SLC39A11: variants seen among roughly 807,000 people sequenced by gnomAD.
SLC39A11 encodes the protein zinc transporter ZIP11.
In SLC39A11, 33 loss-of-function variants were observed where a neutral mutation model predicts 36.1. The ratio of observed to expected loss-of-function variants is 0.91; its 90% CI spans 0.69 to 1.22. SLC39A11 has a LOEUF of 1.22. SLC39A11 is among the 50% of genes most tolerant of loss of function. The pLI, the probability that SLC39A11 is intolerant of heterozygous loss-of-function variation, is 0.00. For missense variants in SLC39A11, 432 were observed against 430.3 expected, an observed-to-expected ratio of 1.00 and a Z score of -0.03; for synonymous variants, 166 against 170.3, an observed-to-expected ratio of 0.97 and a Z score of 0.20.
intron 5 of SLC39A11, among the ~76,000 whole-genome samples, chr17:72,864,147 G>A (rs754634724): frequency 5.3e-5 from 8 of 152,146 alleles, no homozygotes; most frequent in African/African-American, 1.4e-4. Context: ...CCACCTCACC[G>A]GGGCCACCTT....
At chr17:72,811,723 A>G (rs2077440710) in intron 6 of SLC39A11, among the ~76,000 whole-genome samples, 2 of 152,162 alleles carry the variant, frequency 1.3e-5, no homozygotes, top group Non-Finnish European at 2.9e-5. Context: ...TCCACTTGGG[A>G]AAAGTTTGTT....
intron 6 of SLC39A11, among the ~76,000 whole-genome samples, chr17:72,754,654 C>T (rs376680171): frequency 6.6e-6 from 1 of 152,040 alleles, no homozygotes; most frequent in African/African-American, 2.4e-5. Context: ...AGCAGAAACA[C>T]CAGGGGTGCC....
At chr17:72,654,384 C>A (rs181981381) in intron 7 of SLC39A11, among the ~76,000 whole-genome samples, 1 of 152,334 alleles carries the variant, frequency 6.6e-6, no homozygotes, top group East Asian at 1.9e-4. Flanking sequence ...TTCTAACCAG[C>A]CCTGGGCAGA....
At chr17:72,971,147 G>A (rs941136898) in intron 4 of SLC39A11, among the ~76,000 whole-genome samples, 7 of 152,162 alleles carry the variant, frequency 4.6e-5, no homozygotes, top group Non-Finnish European at 7.3e-5. Context: ...GAAGGAAGAC[G>A]ATAAAATGCA....
At position 72,706,443 on chromosome 17, in the gene SLC39A11, G is replaced by A. The variant is rs562696663; in HGVS notation, c.671+30207C>T. Among the ~76,000 whole-genome samples, 425 of 152,268 alleles carry A rather than the reference G, an allele frequency of 2.8e-3. 1 individual carries two copies. The highest frequency in any genetic ancestry group is 4.0e-3 in the Non-Finnish European group (275 of 68,024). ...GAAACTCCCAGTGGAGCACAGGGGC[G>A]TGTCTTGCCAACTCTGTAGTGTTCC... On this transcript the variant is annotated intron_variant, in intron 7 of 9. Coordinates refer to ENST00000255559, the MANE Select transcript of SLC39A11 (RefSeq NM_139177.4).
At chr17:73,004,232 A>AAAGGAAAGAAAG in intron 4 of SLC39A11, among the ~76,000 whole-genome samples, 3 of 88,696 alleles carry the variant, frequency 3.4e-5, no homozygotes, top group African/African-American at 1.3e-4. Context: ...AGAAAGAAAG[A>AAAGGAAAGAAAG]AAAGAAAGAA....
intron 4 of SLC39A11, among the ~76,000 whole-genome samples, chr17:72,954,765 G>T (rs1483862892): frequency 6.6e-6 from 1 of 152,098 alleles, no homozygotes; most frequent in Non-Finnish European, 1.5e-5. Context: ...TCTCTCCTCG[G>T]GAGCCCGGCA....
intron 5 of SLC39A11, among the ~76,000 whole-genome samples, chr17:72,940,481 G>A (rs1468935461): frequency 6.6e-6 from 1 of 152,214 alleles, no homozygotes; most frequent in Non-Finnish European, 1.5e-5. Flanking sequence ...TCACCATGTT[G>A]ACCAGGCTGG....
At chr17:72,977,365 C>T (rs950693617) in intron 4 of SLC39A11, among the ~76,000 whole-genome samples, 11 of 152,316 alleles carry the variant, frequency 7.2e-5, no homozygotes, top group South Asian at 2.1e-4. Context: ...CTGACCCACC[C>T]ACGTGCTCCC....
chr17:72,739,456 T>C (rs952136345), intron 6 of SLC39A11, among the ~76,000 whole-genome samples: 9 of 152,170 alleles, frequency 5.9e-5, no homozygotes, highest in African/African-American at 2.2e-4. Context: ...CCCTACCAAG[T>C]ATCTTTCCAG....
intron 6 of SLC39A11, among the ~76,000 whole-genome samples, chr17:72,748,664 G>A (rs1286219186): frequency 1.3e-5 from 2 of 152,154 alleles, no homozygotes; most frequent in Admixed American, 6.5e-5. Context: ...CCCACATCTC[G>A]GAGTCAATTT....
At chr17:73,085,438 G>T (rs1408315611) in intron 2 of SLC39A11, among the ~76,000 whole-genome samples, 1 of 152,090 alleles carries the variant, frequency 6.6e-6, no homozygotes, top group Non-Finnish European at 1.5e-5. Context: ...CTGAGGTCAG[G>T]AATCTGAGGT....
At chr17:73,076,537 C>T (rs2060324855) in intron 3 of SLC39A11, among the ~76,000 whole-genome samples, 2 of 152,178 alleles carry the variant, frequency 1.3e-5, no homozygotes, top group African/African-American at 2.4e-5. Context: ...TGCTACAGTG[C>T]TGTGTAGACA....
intron 5 of SLC39A11, among the ~76,000 whole-genome samples, chr17:72,913,577 G>A (rs1307847290): frequency 2.6e-5 from 4 of 152,136 alleles, no homozygotes; most frequent in South Asian, 4.1e-4. Context: ...AGGGGGTAGG[G>A]GGAGAGAGGT....
At chr17:73,078,426 G>A (rs1478291873) in intron 3 of SLC39A11, among the ~76,000 whole-genome samples, 1 of 151,982 alleles carries the variant, frequency 6.6e-6, no homozygotes, top group East Asian at 1.9e-4. Context: ...GAGGTAGGTA[G>A]GTAGCTAGGT....
chr17:72,806,313 GA>G (rs2077257804), intron 6 of SLC39A11, among the ~76,000 whole-genome samples: 1 of 152,104 alleles, frequency 6.6e-6, no homozygotes, highest in African/African-American at 2.4e-5. Flanking sequence ...TGTGAGTATA[GA>G]AAATTCTAGG....
intron 4 of SLC39A11, 147 bp downstream of exon 4, chr17:73,031,409 G>A: frequency 1.2e-6 from 1 of 826,340 alleles, no homozygotes. Context: ...TCACCGATCA[G>A]TTCCTCTAAT....
chr17:72,716,968 C>CAAA (rs761854832), intron 7 of SLC39A11, among the ~76,000 whole-genome samples: 126 of 90,402 alleles, frequency 1.4e-3, no homozygotes, highest in South Asian at 2.5e-3. Flanking sequence ...GACCCTGTCT[C>CAAA]AAAAAAAAAA....
intron 4 of SLC39A11, among the ~76,000 whole-genome samples, chr17:72,967,808 C>T (rs2087121397): frequency 1.3e-5 from 2 of 152,176 alleles, no homozygotes; most frequent in South Asian, 4.1e-4. Flanking sequence ...CGCTGGAGAG[C>T]TCATCACTGC....
Sources: allele counts gnomAD v4.1 joint callset (sites outside exome capture counted in the v4.1 genomes callset), GRCh38; gene constraint gnomAD v4.1.1; transcripts MANE v1.5; gene names NCBI Gene and HGNC (gene_info 2026-07-23, HGNC 2026-07-21).